The following LRRC56 variants were observed in gnomAD, a reference collection of about 807,000 sequenced individuals.
LRRC56 encodes the protein leucine-rich repeat-containing protein 56.
Under a neutral mutation model 47.8 loss-of-function variants are expected in LRRC56, and 41 were observed. That is an observed-to-expected ratio of 0.86 (90% CI 0.67 to 1.11). LRRC56 has a LOEUF of 1.11. Ranked by LOEUF, LRRC56 falls within the 50% of genes most tolerant of loss-of-function variation. The probability of loss-of-function intolerance (pLI) is 0.00; values close to 1 mark genes in which losing one functional copy is unlikely to be tolerated. For synonymous variants in LRRC56, 387 were observed against 311.2 expected, an observed-to-expected ratio of 1.24 and a Z score of -2.56; for missense variants, 759 against 704.2, an observed-to-expected ratio of 1.08 and a Z score of -0.88.
At chr11:533,011 G>A (rs535271126), upstream of LRRC56, among the ~76,000 whole-genome samples, 59 of 151,194 alleles carry the variant, frequency 3.9e-4, no homozygotes, top group Non-Finnish European at 6.8e-4. Flanking sequence ...TCTGGCCAGG[G>A]TTTGACCACC....
chr11:541,754 G>C lies in LRRC56; in HGVS notation c.265+130G>C. ...CCGCGTATCGGCTTCCTTAGGGTTG[G>C]CCTCTGACCTGAGGTCTGTGTCAGG... On this transcript the variant is annotated intron_variant, in intron 5 of 13. Transcript: ENST00000270115. The surrounding 1 kb of genome is among the most constrained non-coding windows in gnomAD (Gnocchi z 4.1). 2 of 580,774 alleles carry C rather than the reference G, an allele frequency of 3.4e-6. No homozygotes were observed. Among genetic ancestry groups the C allele is most frequent in the South Asian group, 4.9e-5 (2 of 41,184 alleles). 36.0% of individuals were successfully genotyped at this position (580,774 alleles called of 1,614,324 possible).
At chr11:518,922 T>A in the LRRC56 span, among the ~76,000 whole-genome samples, 1 of 146,710 alleles carries the variant, frequency 6.8e-6, no homozygotes, top group African/African-American at 2.5e-5. Flanking sequence ...TGTCTCCCGG[T>A]CACGTGACCT....
At chr11:525,991 A>T in the LRRC56 span, among the ~76,000 whole-genome samples, 5 of 152,148 alleles carry the variant, frequency 3.3e-5, no homozygotes, top group African/African-American at 1.2e-4. Flanking sequence ...AGATCACCTG[A>T]GGTCAGGAGT....
the LRRC56 span, among the ~76,000 whole-genome samples, chr11:516,176 T>C: frequency 2.0e-5 from 3 of 151,682 alleles, no homozygotes; most frequent in African/African-American, 7.3e-5. Flanking sequence ...GGTGGATCAC[T>C]TGAGGCCAGG....
the LRRC56 span, among the ~76,000 whole-genome samples, chr11:512,081 C>A: frequency 3.3e-5 from 5 of 151,522 alleles, 1 homozygote; most frequent in South Asian, 1.0e-3. Context: ...GTAGCTGGGA[C>A]TACAGGTGCG....
the LRRC56 span, among the ~76,000 whole-genome samples, chr11:519,145 C>T: frequency 6.6e-6 from 1 of 152,242 alleles, no homozygotes; most frequent in Non-Finnish European, 1.5e-5. Context: ...ATTTTCAGAA[C>T]ATACAAGTAC....
At chr11:526,567 C>T in the LRRC56 span, among the ~76,000 whole-genome samples, 13 of 152,302 alleles carry the variant, frequency 8.5e-5, no homozygotes, top group East Asian at 2.3e-3. Flanking sequence ...AGGCTCCAGT[C>T]GTAACAGGCA....
upstream of LRRC56, among the ~76,000 whole-genome samples, chr11:536,352 G>A (rs1851494637): frequency 6.6e-6 from 1 of 152,262 alleles, no homozygotes; most frequent in South Asian, 2.1e-4. Flanking sequence ...GTTGCCACAG[G>A]GGAGCGAAGT....
intron 1 of LRRC56, among the ~76,000 whole-genome samples, chr11:538,164 C>T (rs1851613347): frequency 2.0e-5 from 3 of 152,148 alleles, no homozygotes; most frequent in Non-Finnish European, 4.4e-5. Context: ...CTTTGGATCC[C>T]ACAGCCTCCA....
At chr11:511,205 C>G in the LRRC56 span, among the ~76,000 whole-genome samples, 1 of 151,616 alleles carries the variant, frequency 6.6e-6, no homozygotes, top group South Asian at 2.1e-4. Flanking sequence ...CCTGTAGTCC[C>G]AGCTACTTGG....
intron 5 of LRRC56, 51 bp from the exon 6 acceptor site, chr11:544,669 G>A (rs1355003466): frequency 1.9e-6 from 3 of 1,587,994 alleles, no homozygotes; most frequent in Non-Finnish European, 2.6e-6. Context: ...AGGGTGCAGA[G>A]GTGGGCGGGG....
At chr11:521,168 C>T in the LRRC56 span, among the ~76,000 whole-genome samples, 1,926 of 152,302 alleles carry the variant, frequency 0.013, 50 homozygotes, top group African/African-American at 0.044. Flanking sequence ...GCTCCCTCCC[C>T]GCTCCAGACC....
chr11:545,992 C>T (rs539456588), intron 6 of LRRC56, among the ~76,000 whole-genome samples: 91 of 152,302 alleles, frequency 6.0e-4, no homozygotes, highest in African/African-American at 1.9e-3. Flanking sequence ...CAAAATGGGC[C>T]GGGCACGGTG....
At chr11:542,590 A>AAC (rs1235694204) in intron 5 of LRRC56, among the ~76,000 whole-genome samples, 2 of 148,866 alleles carry the variant, frequency 1.3e-5, no homozygotes, top group Admixed American at 6.7e-5. Context: ...CAAAAAAAAA[A>AAC]AAAAAAAAAA....
At chr11:548,987 T>C (rs1486244702) in intron 6 of LRRC56, among the ~76,000 whole-genome samples, 1 of 151,878 alleles carries the variant, frequency 6.6e-6, no homozygotes, top group African/African-American at 2.4e-5. Flanking sequence ...CCCAGCCAAT[T>C]CAGAGCGGAG....
At chr11:527,658 A>G in the LRRC56 span, among the ~76,000 whole-genome samples, 1 of 149,566 alleles carries the variant, frequency 6.7e-6, no homozygotes, top group Non-Finnish European at 1.5e-5. Flanking sequence ...CAGCCTCCCG[A>G]GTAGCTGGGA....
At chr11:544,013 G>A (rs544138475) in intron 5 of LRRC56, among the ~76,000 whole-genome samples, 1 of 152,336 alleles carries the variant, frequency 6.6e-6, no homozygotes, top group East Asian at 1.9e-4. Context: ...CTCCCAAAGT[G>A]CTGGGATTAC....
At chr11:547,284 G>T (rs1852132000) in intron 6 of LRRC56, among the ~76,000 whole-genome samples, 2 of 150,974 alleles carry the variant, frequency 1.3e-5, no homozygotes, top group South Asian at 4.1e-4. Flanking sequence ...CCTAATACAA[G>T]AGTAAATGAT....
the LRRC56 span, chr11:529,109 C>G: frequency 2.0e-5 from 3 of 152,232 alleles, no homozygotes; most frequent in Non-Finnish European, 4.4e-5. Flanking sequence ...TCGTTCACCT[C>G]ACGGCGACCC....
Sources: allele counts gnomAD v4.1 joint callset (sites outside exome capture counted in the v4.1 genomes callset), GRCh38; gene constraint gnomAD v4.1.1; non-coding constraint Gnocchi (gnomAD v3.1); transcripts MANE v1.5; gene names NCBI Gene and HGNC (gene_info 2026-07-23, HGNC 2026-07-21).